The following CCL17 variants were observed in gnomAD, a reference collection of about 807,000 sequenced individuals.
CCL17 encodes C-C motif chemokine 17.
Under a neutral mutation model 7.4 loss-of-function variants are expected in CCL17, and 8 were observed. The ratio of observed to expected loss-of-function variants is 1.09; its 90% CI spans 0.64 to 1.96. CCL17 has a LOEUF of 1.96. Ranked by LOEUF, CCL17 falls within the 30% of genes most tolerant of loss-of-function variation. CCL17 has a pLI of 0.00. For missense variants in CCL17, 102 were observed against 113.0 expected (o/e 0.90, Z 0.44); for synonymous variants, 40 against 46.1 (o/e 0.87, Z 0.54).
chr16:57,405,517 G>A (rs958288969), intron 1 of CCL17, among the ~76,000 whole-genome samples: 6 of 152,170 alleles, frequency 3.9e-5, no homozygotes, highest in African/African-American at 9.7e-5. Flanking sequence ...GAGGGAACTC[G>A]GTTTTGCCCT....
chr16:57,407,337 G>A (rs1278996032), intron 1 of CCL17, among the ~76,000 whole-genome samples: 4 of 152,166 alleles, frequency 2.6e-5, no homozygotes, highest in African/African-American at 9.7e-5. Context: ...CCACAAGGAA[G>A]TTGTAAACTA....
intron 1 of CCL17, among the ~76,000 whole-genome samples, chr16:57,408,307 A>G (rs1310839928): frequency 6.6e-6 from 1 of 151,704 alleles, no homozygotes; most frequent in Non-Finnish European, 1.5e-5. Context: ...TCCATCCATC[A>G]TCCATCCTCC....
intron 1 of CCL17, among the ~76,000 whole-genome samples, chr16:57,409,122 A>T (rs757830197): frequency 6.6e-6 from 1 of 152,266 alleles, no homozygotes; most frequent in Non-Finnish European, 1.5e-5. Context: ...GTCCCAACAA[A>T]TAAACTAGCA....
upstream of CCL17, among the ~76,000 whole-genome samples, chr16:57,400,267 G>C (rs1217050425): frequency 6.6e-6 from 1 of 152,116 alleles, no homozygotes; most frequent in Non-Finnish European, 1.5e-5. Flanking sequence ...GCTGAGCTAG[G>C]AGAATGGCGT....
chr16:57,414,140 AG>A (rs1902829419), intron 2 of CCL17, 138 bp downstream of exon 2: 1 of 587,844 alleles, frequency 1.7e-6, no homozygotes, highest in Admixed American at 3.0e-5. Context: ...AGAAGCCCAC[AG>A]CACTAGGATT....
At chr16:57,397,342 T>C in the CCL17 span, among the ~76,000 whole-genome samples, 1 of 152,226 alleles carries the variant, frequency 6.6e-6, no homozygotes, top group Non-Finnish European at 1.5e-5. Context: ...TATTTTCCAC[T>C]GGCTGCCCTC....
At position 57,414,038 on chromosome 16, in the gene CCL17, C is replaced by T. The variant is rs368721179; in HGVS notation, c.70+36C>T. ...GGGACAGGTGGCCAGGGGCAGGCAC[C>T]GGGAGGACAGGGGTTGGGGGCATGA... On this transcript the variant is annotated intron_variant, in intron 2 of 3. Transcript: ENST00000219244. 8.8e-5 allele frequency: 139 copies of T among 1,578,856 alleles called. No homozygotes were observed. The East Asian group carries it at 9.5e-4, about 11-fold the overall frequency.
chr16:57,401,848 C>T (rs947398822), upstream of CCL17, among the ~76,000 whole-genome samples: 4 of 152,156 alleles, frequency 2.6e-5, no homozygotes, highest in South Asian at 2.1e-4. Context: ...AGCTGCCCCC[C>T]GGGGACGTCA....
chr16:57,415,981 G>C lies in CCL17; in HGVS notation c.*120G>C. The C allele has an allele frequency of 1.5e-6, 1 of 653,886 alleles. No homozygotes were observed. The highest frequency in any genetic ancestry group is 2.8e-6 in the Non-Finnish European group (1 of 358,824). The allele number at this position is 653,886 out of a possible 1,614,324, so 40.5% of individuals were successfully genotyped here. ...GGGGAGGCCTTCCAGGGACGAAGAA[G>C]AGCCACAGTGAGGGAGATCCCATCC... On this transcript the variant is annotated 3_prime_UTR_variant, in exon 4 of 4. Coordinates refer to ENST00000219244, the MANE Select transcript of CCL17 (RefSeq NM_002987.3). This position sits in a 1 kb window ranked among gnomAD's most constrained non-coding sequence, Gnocchi z 4.5.
At chr16:57,411,107 G>T (rs1482997886) in intron 1 of CCL17, among the ~76,000 whole-genome samples, 1 of 152,122 alleles carries the variant, frequency 6.6e-6, no homozygotes, top group Non-Finnish European at 1.5e-5. Context: ...ACAAAACCTA[G>T]CCCTAGGCCC....
At chr16:57,408,218 C>T (rs1222073417) in intron 1 of CCL17, among the ~76,000 whole-genome samples, 1 of 151,904 alleles carries the variant, frequency 6.6e-6, no homozygotes, top group South Asian at 2.1e-4. Flanking sequence ...TCCACCCATC[C>T]ATTTATCTAC....
the CCL17 span, among the ~76,000 whole-genome samples, chr16:57,397,565 C>T: frequency 2.0e-5 from 3 of 152,156 alleles, no homozygotes; most frequent in Admixed American, 6.6e-5. Flanking sequence ...TCTCCTTCAC[C>T]TTTTTGATGG....
chr16:57,414,567 C>A (rs114342048), intron 2 of CCL17, among the ~76,000 whole-genome samples: 1 of 151,546 alleles, frequency 6.6e-6, no homozygotes, highest in East Asian at 1.9e-4. Context: ...TATAGGTGCC[C>A]GGCCACCACG....
At chr16:57,413,671 GAC>G (rs1167154145) in intron 1 of CCL17, among the ~76,000 whole-genome samples, 1 of 152,198 alleles carries the variant, frequency 6.6e-6, no homozygotes, top group African/African-American at 2.4e-5. Flanking sequence ...ATGGGCTCTA[GAC>G]ACATGTACCC....
chr16:57,406,245 C>T lies in CCL17; in HGVS notation c.-60+1409C>T, dbSNP rs559527376. The stretch of plus-strand genomic sequence containing the variant: ...TCTTGCTCTTTTGCCCAGGCTGGAG[C>T]GCAGTGCCACAGTCATGGCTCAGTC... On this transcript the variant is annotated intron_variant, in intron 1 of 3. Transcript: ENST00000219244. 1.7e-4 allele frequency among the ~76,000 whole-genome samples: 26 copies of T among 152,192 alleles called. 1 individual carries two copies. The highest frequency in any genetic ancestry group is 5.1e-4 in the African/African-American group (21 of 41,536).
chr16:57,403,692 T>C (rs1367068903), upstream of CCL17, among the ~76,000 whole-genome samples: 4 of 121,998 alleles, frequency 3.3e-5, no homozygotes, highest in African/African-American at 1.3e-4. Context: ...AGTCTTGCTC[T>C]GTTGCCCAGG....
rs1555512104 is a variant in CCL17, at chr16:57,415,049, C to T, written c.71-32C>T. 4 of 1,465,700 alleles carry T rather than the reference C, an allele frequency of 2.7e-6. No homozygotes were observed. Among genetic ancestry groups the T allele is most frequent in the Admixed American group, 1.7e-5 (1 of 59,804 alleles). 90.8% of individuals were successfully genotyped at this position (1,465,700 alleles called of 1,614,324 possible). ...CCCGCAACACACACGCAGACACTCA[C>T]AGACACCCCTGCCCCGCTCCTCTCC... On this transcript the variant is annotated intron_variant, in intron 2 of 3. Coordinates refer to ENST00000219244, the MANE Select transcript of CCL17 (RefSeq NM_002987.3). This position sits in a 1 kb window ranked among gnomAD's most constrained non-coding sequence, Gnocchi z 4.5.
chr16:57,409,047 A>G (rs1180355869), intron 1 of CCL17, among the ~76,000 whole-genome samples: 2 of 152,232 alleles, frequency 1.3e-5, no homozygotes, highest in Non-Finnish European at 2.9e-5. Context: ...TAAGGTGCTA[A>G]GTCCTGGAGG....
At chr16:57,414,054 G>A (rs1312947958) in intron 2 of CCL17, 52 bp downstream of exon 2, 1 of 1,498,142 alleles carries the variant, frequency 6.7e-7, no homozygotes, top group Non-Finnish European at 9.2e-7. Context: ...GACAGGGGTT[G>A]GGGGCATGAA....
Sources: allele counts gnomAD v4.1 joint callset (sites outside exome capture counted in the v4.1 genomes callset), GRCh38; gene constraint gnomAD v4.1.1; non-coding constraint Gnocchi (gnomAD v3.1); transcripts MANE v1.5; gene names NCBI Gene and HGNC (gene_info 2026-07-23, HGNC 2026-07-21).